Variants in SEMA4D observed in about 807,000 individuals in gnomAD.
SEMA4D encodes semaphorin-4D.
A neutral mutation model predicts 74.8 loss-of-function variants in SEMA4D; 22 were observed. That is an observed-to-expected ratio of 0.29 (90% confidence interval 0.21 to 0.42). SEMA4D has a LOEUF of 0.42. Among genes scored for constraint, SEMA4D ranks in the 10% least tolerant of loss-of-function variants. The pLI is 1.00. For missense variants in SEMA4D, 937 were observed against 1,118.4 expected (o/e 0.84, Z 2.31); for synonymous variants, 445 against 463.7 (o/e 0.96, Z 0.52).
chr9:89,448,223 A>G (rs1176185576), intron 2 of SEMA4D, among the ~76,000 whole-genome samples: 1 of 152,160 alleles, frequency 6.6e-6, no homozygotes, highest in African/African-American at 2.4e-5. Flanking sequence ...TGATCCTCCC[A>G]TCTCGGCCTA....
At chr9:89,467,952 G>A (rs1248411835) in intron 1 of SEMA4D, among the ~76,000 whole-genome samples, 7 of 152,240 alleles carry the variant, frequency 4.6e-5, no homozygotes, top group African/African-American at 1.7e-4. Flanking sequence ...GCTCTCCCAG[G>A]GCTGGAGGTG....
In SEMA4D at chr9:89,378,968, C is replaced by A. The variant is rs754774223; in HGVS notation, c.2325G>T (p.Lys775Asn). ...CACAGAAATCTGACTTGGGCTTCTT[C>A]TTCCCAATTAGTAGGGCCGAGCGGA... ...LKFRSALLIG[K>N]KKPKSDFCDR... The change falls in exon 16 of 16, where the codon AAG becomes AAT. Residue 775 changes from lysine to asparagine, a missense_variant. Physicochemically the swap from Lys to Asn is moderately conservative, Grantham distance 94. Transcript: ENST00000422704. 3.1e-6 allele frequency: 5 copies of A among 1,614,008 alleles called. No homozygotes were observed. In the African/African-American group the frequency reaches 6.7e-5, roughly 22 times the overall value.
At chr9:89,460,815 AT>A (rs1403073272) in intron 1 of SEMA4D, among the ~76,000 whole-genome samples, 1 of 152,228 alleles carries the variant, frequency 6.6e-6, no homozygotes, top group African/African-American at 2.4e-5. Context: ...CACACTGGGC[AT>A]TTTGTGTAAG....
intron 2 of SEMA4D, among the ~76,000 whole-genome samples, chr9:89,431,321 C>A (rs35319330): frequency 6.6e-6 from 1 of 152,142 alleles, no homozygotes; most frequent in African/African-American, 2.4e-5. Context: ...ACACCACCTG[C>A]AAATGCAGGT....
intron 1 of SEMA4D, among the ~76,000 whole-genome samples, chr9:89,474,702 A>G (rs1047825807): frequency 1.3e-5 from 2 of 152,218 alleles, no homozygotes; most frequent in African/African-American, 4.8e-5. Flanking sequence ...CTTGACAGAC[A>G]CATGTCAGCT....
At chr9:89,471,016 G>A (rs926735426) in intron 1 of SEMA4D, among the ~76,000 whole-genome samples, 1 of 152,174 alleles carries the variant, frequency 6.6e-6, no homozygotes, top group Non-Finnish European at 1.5e-5. Flanking sequence ...TGCACACTGA[G>A]ATAATCATTC....
chr9:89,443,656 G>A (rs1852182850), intron 2 of SEMA4D, among the ~76,000 whole-genome samples: 1 of 152,176 alleles, frequency 6.6e-6, no homozygotes, highest in Non-Finnish European at 1.5e-5. Context: ...CCGAGCTGGT[G>A]GCCAGGACCT....
rs1836784207 is a variant in SEMA4D, at chr9:89,380,480, TACC to T, written c.1663+572_1663+574del. On this transcript the variant is annotated intron_variant, in intron 15 of 15. Transcript: ENST00000422704. The stretch of plus-strand genomic sequence containing the variant: ...CCTAGTAGCTGGGACTACAGGCGTG[TACC>T]ACCATGCCCAGCTGCCTAAACCTTT... 3.3e-5 allele frequency among the ~76,000 whole-genome samples: 5 copies of T among 152,306 alleles called. No individual in the cohort carries two copies. The South Asian group carries it at 1.0e-3, about 32-fold the overall frequency.
chr9:89,426,139 G>A (rs527336861), intron 2 of SEMA4D, among the ~76,000 whole-genome samples: 2 of 152,278 alleles, frequency 1.3e-5, no homozygotes, highest in South Asian at 4.1e-4. Context: ...TCCAGGCCGG[G>A]ATCCTCCTCC....
At chr9:89,361,994 G>A (rs1832797596) in exon 19 of SEMA4D, 2 of 291,384 alleles carry the variant, frequency 6.9e-6, no homozygotes, top group African/African-American at 2.1e-5. Context: ...GGGGGTGGGG[G>A]CACTCTGTCA....
At chr9:89,459,238 C>T (rs914307174) in intron 1 of SEMA4D, among the ~76,000 whole-genome samples, 3 of 149,088 alleles carry the variant, frequency 2.0e-5, no homozygotes, top group Non-Finnish European at 3.0e-5. Context: ...AGCCCCAGTC[C>T]GGTAGTGCTC....
chr9:89,392,639 A>T (rs116642381), intron 7 of SEMA4D, 103 bp from the exon 8 acceptor site: 2 of 727,096 alleles, frequency 2.8e-6, no homozygotes, highest in Non-Finnish European at 4.9e-6. Context: ...TTATAACCCA[A>T]TTAAGTCCCT....
chr9:89,461,162 C>A (rs1857111327), intron 1 of SEMA4D, among the ~76,000 whole-genome samples: 1 of 152,136 alleles, frequency 6.6e-6, no homozygotes, highest in Admixed American at 6.5e-5. Flanking sequence ...ATGCCACTCT[C>A]CCCCTACAAA....
chr9:89,430,181 T>TA (rs1268400498), intron 2 of SEMA4D, among the ~76,000 whole-genome samples: 6 of 151,984 alleles, frequency 3.9e-5, no homozygotes, highest in African/African-American at 1.5e-4. Flanking sequence ...GGTCAGAACA[T>TA]ACACCACAAA....
At chr9:89,399,042 A>G (rs1841621542) in intron 5 of SEMA4D, among the ~76,000 whole-genome samples, 1 of 152,246 alleles carries the variant, frequency 6.6e-6, no homozygotes, top group African/African-American at 2.4e-5. Context: ...AAACTTTAAA[A>G]AAGTATTTCT....
rs755056088 is a variant in SEMA4D at position 89,379,615 on chromosome 9, T to G, written c.1678A>C (p.Ser560Arg). 1 of 1,605,356 alleles carries G rather than the reference T, an allele frequency of 6.2e-7. No homozygotes were observed. Among genetic ancestry groups the G allele is most frequent in the Admixed American group, 1.7e-5 (1 of 59,348 alleles). ...ASVCPDKSKG[S>R]YRQHFFKHGG... ...TGCTTGAAAAAATGCTGCCGGTAAC[T>G]TCCTTTACTTTTATCTGGAACATCA... The change falls in exon 16 of 16, where the codon AGT becomes CGT. Residue 560 changes from serine (S) to arginine (R), a missense_variant. Coordinates refer to ENST00000422704, the MANE Select transcript of SEMA4D (RefSeq NM_001371194.2).
Position 89,387,444 on chromosome 9 carries a change from C to G in SEMA4D, c.1272G>C (p.Val424=). 1 of 1,614,236 alleles carries G rather than the reference C, an allele frequency of 6.2e-7. No homozygotes were observed. The highest frequency in any genetic ancestry group is 8.5e-7 in the Non-Finnish European group (1 of 1,180,038). The change falls in exon 12 of 16, where the codon GTG becomes GTC. Residue 424 remains valine (V), a synonymous_variant. Transcript: ENST00000422704. ...IKKDVNYTQI[V]VDRTQALDGT... ...CATCCAGGGCCTGGGTCCGGTCCACCACGATCTGGGTGTAGTTCACATCTT... is the reference window on the plus strand; with the variant it reads ...CATCCAGGGCCTGGGTCCGGTCCACGACGATCTGGGTGTAGTTCACATCTT...
At chr9:89,435,974 G>A (rs1007262677) in intron 2 of SEMA4D, among the ~76,000 whole-genome samples, 5 of 152,354 alleles carry the variant, frequency 3.3e-5, no homozygotes, top group African/African-American at 1.2e-4. Context: ...CCTAGGCCAA[G>A]GAAGCGCCCC....
chr9:89,362,479 C>A (rs371729869), intron 18 of SEMA4D: 10 of 1,613,794 alleles, frequency 6.2e-6, no homozygotes, highest in East Asian at 2.2e-5. Flanking sequence ...ATGGGCCTTT[C>A]CTGCTCTGCA....
Sources: allele counts gnomAD v4.1 joint callset (sites outside exome capture counted in the v4.1 genomes callset), GRCh38; gene constraint gnomAD v4.1.1; transcripts MANE v1.5; gene names NCBI Gene and HGNC (gene_info 2026-07-23, HGNC 2026-07-21).